Variants in BTRC observed in about 807,000 individuals in gnomAD.
The protein encoded by BTRC is beta-transducin repeat containing E3 ubiquitin protein ligase.
Under a neutral mutation model 85.5 loss-of-function variants are expected in BTRC, and 42 were observed. That is an observed-to-expected ratio of 0.49 (90% CI 0.38 to 0.64). BTRC has a LOEUF of 0.64. Among genes scored for constraint, BTRC ranks in the 30% least tolerant of loss-of-function variants. The pLI, the probability that BTRC is intolerant of heterozygous loss-of-function variation, is 0.00. For missense variants in BTRC, 594 were observed against 743.5 expected (o/e 0.80, Z 2.34); for synonymous variants, 255 against 263.3 (o/e 0.97, Z 0.30).
At chr10:101,498,508 C>A (rs1487969778) in intron 4 of BTRC, among the ~76,000 whole-genome samples, 1 of 152,042 alleles carries the variant, frequency 6.6e-6, no homozygotes, top group Non-Finnish European at 1.5e-5. Context: ...TTCTTTTCTT[C>A]ACAATTCTAT....
intron 3 of BTRC, among the ~76,000 whole-genome samples, chr10:101,469,421 GCA>G (rs1463272587): frequency 6.6e-6 from 1 of 152,086 alleles, no homozygotes; most frequent in African/African-American, 2.4e-5. Flanking sequence ...CTCAGGCCTG[GCA>G]CAGAGTTTCT....
At chr10:101,521,054 A>C (rs2062097196) in intron 4 of BTRC, among the ~76,000 whole-genome samples, 1 of 152,118 alleles carries the variant, frequency 6.6e-6, no homozygotes, top group Non-Finnish European at 1.5e-5. Context: ...AATTGCTTGA[A>C]GCCAGGAGTT....
intron 1 of BTRC, among the ~76,000 whole-genome samples, chr10:101,423,664 CTT>C (rs1944169369): frequency 6.6e-6 from 1 of 152,132 alleles, no homozygotes; most frequent in Non-Finnish European, 1.5e-5. Context: ...AGTGTACTCT[CTT>C]GTTAAGGCAA....
chr10:101,360,353 C>A (rs1399503214), intron 1 of BTRC, among the ~76,000 whole-genome samples: 1 of 149,214 alleles, frequency 6.7e-6, no homozygotes, highest in Admixed American at 6.7e-5. Context: ...CTATGCCTGG[C>A]CTAGAGATGG....
At chr10:101,467,209 A>C (rs1244164922) in intron 3 of BTRC, among the ~76,000 whole-genome samples, 1 of 148,274 alleles carries the variant, frequency 6.7e-6, no homozygotes, top group African/African-American at 2.5e-5. Context: ...AAAAAAAAAA[A>C]CACAGAATTT....
chr10:101,515,372 T>C (rs919487278), intron 4 of BTRC, among the ~76,000 whole-genome samples: 4 of 152,300 alleles, frequency 2.6e-5, no homozygotes, highest in African/African-American at 9.6e-5. Flanking sequence ...ACTAACTCTA[T>C]AGGTTGATTT....
chr10:101,478,735 C>G (rs11191026), intron 3 of BTRC, among the ~76,000 whole-genome samples: 2 of 149,916 alleles, frequency 1.3e-5, no homozygotes, highest in Non-Finnish European at 3.0e-5. Flanking sequence ...GAGCCAAGAT[C>G]TCACCACTGT....
chr10:101,399,426 C>T (rs1943443869), intron 1 of BTRC, among the ~76,000 whole-genome samples: 1 of 146,734 alleles, frequency 6.8e-6, no homozygotes, highest in South Asian at 2.1e-4. Context: ...GGTCATACAA[C>T]TTAGGATATT....
chr10:101,406,262 C>T (rs539241193), intron 1 of BTRC, among the ~76,000 whole-genome samples: 22 of 151,230 alleles, frequency 1.5e-4, no homozygotes, highest in African/African-American at 4.8e-4. Flanking sequence ...CTGCAAGCTC[C>T]GCCTCCCGGG....
At chr10:101,361,169 C>T (rs372051392) in intron 1 of BTRC, among the ~76,000 whole-genome samples, 2 of 151,730 alleles carry the variant, frequency 1.3e-5, no homozygotes, top group South Asian at 4.2e-4. Context: ...TGCAGTGGTG[C>T]GATCTCAGCT....
intron 1 of BTRC, among the ~76,000 whole-genome samples, chr10:101,419,017 T>TCTTC (rs996362217): frequency 2.0e-5 from 3 of 150,398 alleles, no homozygotes; most frequent in South Asian, 4.2e-4. Flanking sequence ...TTTCTTTCTT[T>TCTTC]TTTTTTTTTT....
intron 2 of BTRC, 46 bp from the exon 3 acceptor site, chr10:101,461,935 G>A (rs1180749743): frequency 7.3e-7 from 1 of 1,368,064 alleles, no homozygotes; most frequent in Admixed American, 1.8e-5. Flanking sequence ...CAAAGGATAA[G>A]ATTGAAGATA....
At chr10:101,552,039 CT>C (rs1163126262) in intron 14 of BTRC, among the ~76,000 whole-genome samples, 8 of 152,034 alleles carry the variant, frequency 5.3e-5, no homozygotes, top group Admixed American at 5.2e-4. Flanking sequence ...CCAAAATTTT[CT>C]CTTCCTTAGA....
At chr10:101,518,438 T>C (rs1245591443) in intron 4 of BTRC, among the ~76,000 whole-genome samples, 3 of 152,154 alleles carry the variant, frequency 2.0e-5, no homozygotes, top group African/African-American at 7.2e-5. Context: ...TAAGCAGAAG[T>C]TGCCTGGGCT....
chr10:101,366,780 A>ATTTTTTTATATTTATACATATATT, intron 1 of BTRC, among the ~76,000 whole-genome samples: 1 of 103,290 alleles, frequency 9.7e-6, no homozygotes, highest in Non-Finnish European at 1.9e-5. Flanking sequence ...ATATATATAT[A>ATTTTTTTATATTTATACATATATT]TATATATATT....
intron 1 of BTRC, among the ~76,000 whole-genome samples, chr10:101,419,768 A>G (rs905442883): frequency 1.3e-5 from 2 of 152,136 alleles, no homozygotes; most frequent in Non-Finnish European, 2.9e-5. Flanking sequence ...ATCCATTATT[A>G]TCATTATTTA....
intron 1 of BTRC, among the ~76,000 whole-genome samples, chr10:101,366,851 AATATATATT>A (rs1942412417): frequency 3.9e-5 from 1 of 25,620 alleles, no homozygotes; most frequent in South Asian, 9.2e-4. Flanking sequence ...TATGTATATT[AATATATATT>A]TATATATTAA....
In BTRC at chr10:101,550,676, C is replaced by T. The variant is rs79322713; in HGVS notation, c.1657-23C>T. 6.0e-4 allele frequency: 960 copies of T among 1,604,188 alleles called. 11 individuals are homozygous for T. In the African/African-American group the frequency reaches 0.011, roughly 19 times the overall value. On this transcript the variant is annotated intron_variant, in intron 13 of 14. Transcript: ENST00000370187. Reference sequence around the variant, plus strand: ...GATTTTGAGTAGTTCAAGTTCCTACCCTTTTTGTTTCTACTTCTTTAGGAG... The same window carrying T: ...GATTTTGAGTAGTTCAAGTTCCTACTCTTTTTGTTTCTACTTCTTTAGGAG...
intron 13 of BTRC, among the ~76,000 whole-genome samples, chr10:101,543,796 A>G (rs2062515437): frequency 6.6e-6 from 1 of 151,924 alleles, no homozygotes; most frequent in Non-Finnish European, 1.5e-5. Flanking sequence ...CTATATGTTC[A>G]TTTTTCACCC....
Sources: allele counts gnomAD v4.1 joint callset (sites outside exome capture counted in the v4.1 genomes callset), GRCh38; gene constraint gnomAD v4.1.1; transcripts MANE v1.5; gene names NCBI Gene and HGNC (gene_info 2026-07-23, HGNC 2026-07-21).